RABGAP1L: variants seen among roughly 807,000 people sequenced by gnomAD.
RABGAP1L encodes the protein rab GTPase-activating protein 1-like.
RABGAP1L carries 63 observed loss-of-function variants against 137.7 expected under a neutral mutation model. That is an observed-to-expected ratio of 0.46 (90% confidence interval 0.37 to 0.56). The LOEUF (loss-of-function observed/expected upper bound fraction) is 0.56, where lower values mean the gene tolerates loss of function less well. RABGAP1L is among the 20% of genes least tolerant of loss of function. The pLI is 0.00. For synonymous variants in RABGAP1L, 431 were observed against 433.7 expected (o/e 0.99, Z 0.08); for missense variants, 1,095 against 1,244.0 (o/e 0.88, Z 1.80).
chr1:174,805,587 C>T (rs1221009388), intron 18 of RABGAP1L, among the ~76,000 whole-genome samples: 1 of 152,146 alleles, frequency 6.6e-6, no homozygotes, highest in African/African-American at 2.4e-5. Context: ...CTGCAACCTC[C>T]ATCTCCTGGG....
chr1:174,184,340 A>G (rs1666631080), intron 1 of RABGAP1L, among the ~76,000 whole-genome samples: 1 of 152,200 alleles, frequency 6.6e-6, no homozygotes, highest in Non-Finnish European at 1.5e-5. Flanking sequence ...AGTTATGAAT[A>G]AAGCTGCTGT....
chr1:174,836,207 A>G (rs746789718), intron 19 of RABGAP1L, among the ~76,000 whole-genome samples: 5 of 152,200 alleles, frequency 3.3e-5, no homozygotes, highest in Admixed American at 2.6e-4. Flanking sequence ...TCTGTCATAC[A>G]TGACCAGGCA....
intron 5 of RABGAP1L, chr1:174,244,726 C>T (rs1461404825): frequency 6.6e-6 from 1 of 152,156 alleles, no homozygotes; most frequent in African/African-American, 2.4e-5. Flanking sequence ...TACAAGGAGG[C>T]ACCTGTTCTT....
At chr1:174,812,430 G>C (rs554436396) in intron 19 of RABGAP1L, among the ~76,000 whole-genome samples, 150 of 152,298 alleles carry the variant, frequency 9.8e-4, no homozygotes, top group South Asian at 2.5e-3. Context: ...TCACATGTCT[G>C]ATAAAGCTAA....
At chr1:174,314,385 C>A (rs1395216349) in intron 11 of RABGAP1L, among the ~76,000 whole-genome samples, 1 of 151,982 alleles carries the variant, frequency 6.6e-6, no homozygotes. Context: ...TCTTATTTAT[C>A]TGTATCTTTT....
At chr1:174,648,305 A>G (rs953500548) in intron 14 of RABGAP1L, among the ~76,000 whole-genome samples, 11 of 151,962 alleles carry the variant, frequency 7.2e-5, no homozygotes, top group Non-Finnish European at 2.9e-5. Flanking sequence ...TTAGGGTGTC[A>G]ATTATTGATC....
chr1:174,182,806 T>G (rs988506864), intron 1 of RABGAP1L, among the ~76,000 whole-genome samples: 6 of 152,240 alleles, frequency 3.9e-5, no homozygotes, highest in Admixed American at 1.3e-4. Context: ...TGCAAATATG[T>G]GTTGCCCTGA....
chr1:174,752,162 A>T (rs1684392201), intron 17 of RABGAP1L, 151 bp from the exon 18 acceptor site: 2 of 612,784 alleles, frequency 3.3e-6, no homozygotes, highest in Non-Finnish European at 5.5e-6. Flanking sequence ...GGGAAAGAAA[A>T]TACCTTTAAA....
At chr1:174,272,292 A>G (rs1674618283) in intron 7 of RABGAP1L, 122 bp from the exon 8 acceptor site, 7 of 1,009,408 alleles carry the variant, frequency 6.9e-6, no homozygotes, top group Non-Finnish European at 9.6e-6. Context: ...TTTAGAAAAA[A>G]AACTAAAGCT....
intron 11 of RABGAP1L, among the ~76,000 whole-genome samples, chr1:174,351,440 A>G (rs982028135): frequency 2.0e-5 from 3 of 152,124 alleles, no homozygotes; most frequent in Non-Finnish European, 4.4e-5. Flanking sequence ...TTTTCACTGA[A>G]TATACTATCC....
intron 19 of RABGAP1L, among the ~76,000 whole-genome samples, chr1:174,841,315 GA>G (rs1693371510): frequency 6.6e-6 from 1 of 151,990 alleles, no homozygotes; most frequent in East Asian, 1.9e-4. Context: ...TAGAACTTAG[GA>G]AAAAGAATAT....
chr1:174,337,338 A>T (rs1275370114), intron 11 of RABGAP1L, among the ~76,000 whole-genome samples: 1 of 152,048 alleles, frequency 6.6e-6, no homozygotes, highest in Non-Finnish European at 1.5e-5. Context: ...CTCAGGGAAG[A>T]GTAGAAAGTA....
At chr1:174,337,479 A>G (rs1034892899) in intron 11 of RABGAP1L, among the ~76,000 whole-genome samples, 2 of 152,184 alleles carry the variant, frequency 1.3e-5, no homozygotes, top group African/African-American at 4.8e-5. Flanking sequence ...CCTCCACAGA[A>G]ACATAGAACA....
intron 1 of RABGAP1L, among the ~76,000 whole-genome samples, chr1:174,199,346 C>T (rs189977216): frequency 2.6e-5 from 4 of 152,040 alleles, no homozygotes; most frequent in African/African-American, 9.6e-5. Flanking sequence ...GGCTGAAGTG[C>T]AGTGGTGTGG....
chr1:174,239,107 T>G (rs1056837947), intron 4 of RABGAP1L, among the ~76,000 whole-genome samples: 1 of 152,216 alleles, frequency 6.6e-6, no homozygotes, highest in Non-Finnish European at 1.5e-5. Context: ...GGTGAGGCAA[T>G]GCCTCGCCCT....
At chr1:174,597,765 A>C (rs898168861) in intron 13 of RABGAP1L, among the ~76,000 whole-genome samples, 1 of 152,076 alleles carries the variant, frequency 6.6e-6, no homozygotes. Context: ...TCTTTGTTCT[A>C]CATTTTAATG....
At chr1:174,441,025 A>G (rs1438836117) in intron 13 of RABGAP1L, among the ~76,000 whole-genome samples, 1 of 150,978 alleles carries the variant, frequency 6.6e-6, no homozygotes, top group African/African-American at 2.4e-5. Flanking sequence ...TAATAATGAA[A>G]TATTGATAAA....
Position 174,682,460 on chromosome 1 carries a change from A to T in RABGAP1L, c.1825-1062A>T, listed in dbSNP as rs1484343389. Among the ~76,000 whole-genome samples, 11 of 61,046 alleles carry T rather than the reference A, an allele frequency of 1.8e-4. No homozygotes were observed. In the East Asian group the frequency reaches 1.9e-3, roughly 11 times the overall value. The allele number at this position is 61,046 out of a possible 152,430, so 40.0% of individuals were successfully genotyped here. A position where few individuals can be genotyped will look rare whatever the true frequency, so the allele number is the denominator to read the frequency against. On this transcript the variant is annotated intron_variant, in intron 14 of 25. Transcript: ENST00000681986. Reference sequence around the variant, plus strand: ...GGTTTTACATTTTAAAAAGTTGTTTAAAAAAAAAAAAAAAGTCCTGTCCCT... The same window carrying T: ...GGTTTTACATTTTAAAAAGTTGTTTTAAAAAAAAAAAAAAGTCCTGTCCCT...
chr1:174,946,934 ATATATATG>A lies in RABGAP1L; in HGVS notation c.2341-10521_2341-10514del, dbSNP rs1259573048. Among the ~76,000 whole-genome samples, 659 of 69,720 alleles carry A rather than the reference ATATATATG, an allele frequency of 9.5e-3. 21 individuals are homozygous for A. The highest frequency in any genetic ancestry group is 0.037 in the African/African-American group (570 of 15,530). 45.7% of individuals were successfully genotyped at this position (69,720 alleles called of 152,430 possible). ...AAAAAAAAAATATATATATATATAT[ATATATATG>A]TGTGTGTGTGTGTGTGTGTGTGTGT... On this transcript the variant is annotated intron_variant, in intron 19 of 25. Transcript: ENST00000681986.
Sources: allele counts gnomAD v4.1 joint callset (sites outside exome capture counted in the v4.1 genomes callset), GRCh38; gene constraint gnomAD v4.1.1; transcripts MANE v1.5; gene names NCBI Gene and HGNC (gene_info 2026-07-23, HGNC 2026-07-21).